Variants in MEOX2 observed in about 807,000 individuals in gnomAD.
MEOX2 encodes homeobox protein MOX-2.
A neutral mutation model predicts 27.0 loss-of-function variants in MEOX2; 11 were observed. That is an observed-to-expected ratio of 0.41 (90% CI 0.26 to 0.68). The LOEUF is 0.68. Ranked by LOEUF, MEOX2 falls within the 30% of genes least tolerant of loss-of-function variation. The probability of loss-of-function intolerance (pLI) is 0.33; values close to 1 mark genes in which losing one functional copy is unlikely to be tolerated. For missense variants in MEOX2, 436 were observed against 385.4 expected (o/e 1.13, Z -1.10); for synonymous variants, 189 against 155.4 (o/e 1.22, Z -1.61).
chr7:15,670,833 G>A (rs898662576), intron 1 of MEOX2, among the ~76,000 whole-genome samples: 1 of 151,962 alleles, frequency 6.6e-6, no homozygotes, highest in Non-Finnish European at 1.5e-5. Context: ...TAGACTACGG[G>A]GTCCTTGACT....
intron 2 of MEOX2, among the ~76,000 whole-genome samples, chr7:15,624,592 A>T (rs138501498): frequency 6.6e-6 from 1 of 152,274 alleles, no homozygotes; most frequent in East Asian, 1.9e-4. Context: ...AAGCTAGCCT[A>T]TAAGAAGATG....
At chr7:15,622,065 C>T (rs1434130829) in intron 2 of MEOX2, among the ~76,000 whole-genome samples, 10 of 152,046 alleles carry the variant, frequency 6.6e-5, no homozygotes, top group East Asian at 3.9e-4. Flanking sequence ...TGCAGTGAGC[C>T]GAGACTGCAC....
At chr7:15,622,915 C>T (rs1310453538) in intron 2 of MEOX2, among the ~76,000 whole-genome samples, 3 of 152,146 alleles carry the variant, frequency 2.0e-5, no homozygotes, top group Non-Finnish European at 4.4e-5. Context: ...TACCTAGCCT[C>T]TTCAGCCATC....
intron 1 of MEOX2, among the ~76,000 whole-genome samples, chr7:15,648,072 T>C (rs949005869): frequency 1.3e-5 from 2 of 152,084 alleles, no homozygotes; most frequent in African/African-American, 4.8e-5. Flanking sequence ...GATAGTCCCA[T>C]AGCATGCAAA....
At position 15,686,370 on chromosome 7, in the gene MEOX2, G is replaced by C. The variant is rs145506452; in HGVS notation, c.33C>G (p.Ser11Arg). MEHPLFGCLRSPHATAQGLHP... is the reference protein window; with the variant it reads MEHPLFGCLRRPHATAQGLHP... ...GCAAGCCTTGCGCCGTGGCGTGAGGGCTGCGCAGGCAGCCAAAGAGCGGGT... is the reference window on the plus strand; with the variant it reads ...GCAAGCCTTGCGCCGTGGCGTGAGGCCTGCGCAGGCAGCCAAAGAGCGGGT... Residue 11 changes from serine (S) to arginine (R), a missense_variant, in exon 1 of 3, where the codon AGC (serine) becomes AGG (arginine). Transcript: ENST00000262041. 26 of 1,586,182 alleles carry C rather than the reference G, an allele frequency of 1.6e-5. 1 individual carries two copies. The East Asian group carries it at 5.3e-4, about 32-fold the overall frequency.
At chr7:15,613,359 AAT>A (rs1167808611) in intron 2 of MEOX2, among the ~76,000 whole-genome samples, 2 of 148,042 alleles carry the variant, frequency 1.4e-5, no homozygotes, top group Non-Finnish European at 3.0e-5. Flanking sequence ...CATTTAAATA[AAT>A]ATATATATTT....
chr7:15,625,690 A>G (rs1001942898), intron 2 of MEOX2, among the ~76,000 whole-genome samples: 1 of 152,148 alleles, frequency 6.6e-6, no homozygotes, highest in Non-Finnish European at 1.5e-5. Context: ...CACTGTCCAT[A>G]AAGATGTTTG....
Position 15,616,881 on chromosome 7 carries a change from C to T in MEOX2, c.691-4270G>A, listed in dbSNP as rs192306562. 1.9e-4 allele frequency among the ~76,000 whole-genome samples: 29 copies of T among 151,926 alleles called. No homozygotes were observed. The South Asian group carries it at 3.1e-3, about 16-fold the overall frequency. ...GTTGAAGCACAAATAAAACATAGTCCCTGCCCTTAAGGTATTCACGGTCAA... is the reference window on the plus strand; with the variant it reads ...GTTGAAGCACAAATAAAACATAGTCTCTGCCCTTAAGGTATTCACGGTCAA... On this transcript the variant is annotated intron_variant, in intron 2 of 2. Transcript: ENST00000262041.
intron 1 of MEOX2, among the ~76,000 whole-genome samples, chr7:15,666,010 G>A (rs1440132391): frequency 6.6e-6 from 1 of 152,042 alleles, no homozygotes; most frequent in Non-Finnish European, 1.5e-5. Flanking sequence ...ATGGATTCTA[G>A]AACCCCTTCC....
At chr7:15,660,085 A>G (rs1439137957) in intron 1 of MEOX2, among the ~76,000 whole-genome samples, 2 of 152,212 alleles carry the variant, frequency 1.3e-5, no homozygotes, top group Non-Finnish European at 2.9e-5. Flanking sequence ...TGAGCTAAGG[A>G]TGGCTTCTAG....
intron 1 of MEOX2, among the ~76,000 whole-genome samples, chr7:15,653,019 T>C (rs1398699300): frequency 6.6e-6 from 1 of 152,038 alleles, no homozygotes; most frequent in Non-Finnish European, 1.5e-5. Flanking sequence ...AGTCATATGA[T>C]AGTTGCATGT....
rs1781044925 is a variant in MEOX2, at chr7:15,612,310, C to G, written c.*77G>C. 8.9e-7 allele frequency: 1 copy of G among 1,121,798 alleles called. No individual in the cohort carries two copies. The highest frequency in any genetic ancestry group is 1.4e-6 in the Non-Finnish European group (1 of 738,378). 69.5% of individuals were successfully genotyped at this position (1,121,798 alleles called of 1,614,324 possible). A position where few individuals can be genotyped will look rare whatever the true frequency, so the allele number is the denominator to read the frequency against. On this transcript the variant is annotated 3_prime_UTR_variant, in exon 3 of 3. Coordinates refer to ENST00000262041, the MANE Select transcript of MEOX2 (RefSeq NM_005924.5). ...AAACATCACTGCCATAGTCATCTCT[C>G]TGTGTAAACGATATTTGGGTAAGGC...
chr7:15,618,680 T>C (rs990594322), intron 2 of MEOX2, among the ~76,000 whole-genome samples: 8 of 151,880 alleles, frequency 5.3e-5, no homozygotes, highest in Admixed American at 2.0e-4. Flanking sequence ...ATATTCTGAT[T>C]TTTATTAATA....
chr7:15,625,701 C>T (rs1423530216), intron 2 of MEOX2, among the ~76,000 whole-genome samples: 1 of 152,102 alleles, frequency 6.6e-6, no homozygotes, highest in Non-Finnish European at 1.5e-5. Flanking sequence ...AAGATGTTTG[C>T]ATTTGCCTTT....
Position 15,686,504 on chromosome 7 carries a change from A to C in MEOX2, c.-102T>G, listed in dbSNP as rs11975534. The C allele has an allele frequency of 0.64, 736,081 of 1,144,510 alleles. 239,937 individuals are homozygous for C. Among genetic ancestry groups the C allele is most frequent in the African/African-American group, 0.82 (52,224 of 63,356 alleles). The allele number at this position is 1,144,510 out of a possible 1,614,324, so 70.9% of individuals were successfully genotyped here. A position where few individuals can be genotyped will look rare whatever the true frequency, so the allele number is the denominator to read the frequency against. On this transcript the variant is annotated 5_prime_UTR_variant, in exon 1 of 3. Coordinates refer to ENST00000262041, the MANE Select transcript of MEOX2 (RefSeq NM_005924.5). ...TGGAAACCGTGTGATTTTTTTTTTA[A>C]CCTCCCAAAGCAATAGCGGTGCACT...
chr7:15,678,981 CA>C (rs1469455259), intron 1 of MEOX2: 1 of 152,070 alleles, frequency 6.6e-6, no homozygotes, highest in Non-Finnish European at 1.5e-5. Flanking sequence ...CAAAAGAAAA[CA>C]AAAACTGCAG....
intron 1 of MEOX2, among the ~76,000 whole-genome samples, chr7:15,627,696 G>T (rs965240059): frequency 2.0e-5 from 3 of 151,624 alleles, no homozygotes; most frequent in Middle Eastern, 3.4e-3. Context: ...TCCTCTTAAG[G>T]GTTCAATACA....
intron 1 of MEOX2, among the ~76,000 whole-genome samples, chr7:15,643,501 G>C (rs1267787829): frequency 6.6e-6 from 1 of 152,078 alleles, no homozygotes; most frequent in Non-Finnish European, 1.5e-5. Flanking sequence ...GTGGGGGAGG[G>C]GGCTGCGGTT....
intron 1 of MEOX2, among the ~76,000 whole-genome samples, chr7:15,636,295 C>T (rs1034399375): frequency 6.6e-6 from 1 of 151,810 alleles, no homozygotes; most frequent in African/African-American, 2.4e-5. Flanking sequence ...CTGAAATAAT[C>T]ATATCGGAAG....
Sources: gnomAD v4.1 joint callset for allele counts (sites outside exome capture counted in the v4.1 genomes callset) on GRCh38, gnomAD v4.1.1 for gene constraint, MANE v1.5 for transcripts, NCBI Gene and HGNC (gene_info 2026-07-23, HGNC 2026-07-21) for gene names.